Variants in CASK observed in about 807,000 individuals in gnomAD.
CASK encodes peripheral plasma membrane protein CASK.
In CASK, 4 loss-of-function variants were observed where a neutral mutation model predicts 82.9. That is an observed-to-expected ratio of 0.05 (90% CI 0.02 to 0.11). The LOEUF is 0.11. CASK is among the 10% of genes least tolerant of loss of function. CASK has a pLI of 1.00. For missense variants in CASK, 358 were observed against 720.9 expected, an observed-to-expected ratio of 0.50 and a Z score of 5.76; for synonymous variants, 259 against 253.5, an observed-to-expected ratio of 1.02 and a Z score of -0.20.
At chrX:41,716,091 C>T (rs982371048) in intron 5 of CASK, among the ~76,000 whole-genome samples, 3 of 112,288 alleles carry the variant, frequency 2.7e-5, no homozygotes, top group Non-Finnish European at 5.6e-5. Flanking sequence ...AAAGAACACA[C>T]GGTACAGCCC....
chrX:41,598,054 G>A (rs2065844280), intron 12 of CASK, among the ~76,000 whole-genome samples: 1 of 109,436 alleles, frequency 9.1e-6, no homozygotes, highest in African/African-American at 3.3e-5. Flanking sequence ...TGGGAGGATT[G>A]CCTGAGCCTG....
intron 1 of CASK, among the ~76,000 whole-genome samples, chrX:41,904,195 T>C (rs1010377004): frequency 8.9e-6 from 1 of 112,257 alleles, no homozygotes; most frequent in Non-Finnish European, 1.9e-5. Flanking sequence ...TTGAAGTTAA[T>C]GCATGTTGCA....
chrX:41,893,781 G>T (rs1208494465), intron 1 of CASK, among the ~76,000 whole-genome samples: 1 of 112,060 alleles, frequency 8.9e-6, no homozygotes, highest in African/African-American at 3.2e-5. Context: ...ATAAAAACAA[G>T]AATTTAAAAC....
At chrX:41,766,485 A>G (rs2069119049) in intron 3 of CASK, among the ~76,000 whole-genome samples, 1 of 112,453 alleles carries the variant, frequency 8.9e-6, no homozygotes, top group Non-Finnish European at 1.9e-5. Flanking sequence ...ACACTGCTCT[A>G]ACAATTAACA....
intron 3 of CASK, among the ~76,000 whole-genome samples, chrX:41,771,309 C>T (rs1300810799): frequency 1.8e-5 from 2 of 111,503 alleles, no homozygotes; most frequent in Non-Finnish European, 3.8e-5. Context: ...TAAGAAATAA[C>T]TCTGAAACTA....
chrX:41,893,367 G>A (rs1175281397), intron 1 of CASK, among the ~76,000 whole-genome samples: 1 of 112,273 alleles, frequency 8.9e-6, no homozygotes, highest in East Asian at 2.8e-4. Context: ...AATCACAGCT[G>A]CTTAAGTCTG....
chrX:41,581,539 G>T (rs938737552), intron 14 of CASK, among the ~76,000 whole-genome samples: 5 of 110,181 alleles, frequency 4.5e-5, no homozygotes, highest in African/African-American at 1.6e-4. Context: ...AGAAAAATTC[G>T]GATGACTGAG....
At chrX:41,629,705 A>C (rs755426092) in intron 9 of CASK, among the ~76,000 whole-genome samples, 79 of 112,013 alleles carry the variant, frequency 7.1e-4, no homozygotes, top group African/African-American at 2.5e-3. Context: ...ACAATATGCA[A>C]ATTAATGTAC....
At chrX:41,741,626 C>T in intron 4 of CASK, among the ~76,000 whole-genome samples, 1 of 111,962 alleles carries the variant, frequency 8.9e-6, no homozygotes, top group Non-Finnish European at 1.9e-5. Flanking sequence ...TTGACCCAAA[C>T]GTATGTACAC....
intron 2 of CASK, among the ~76,000 whole-genome samples, chrX:41,815,137 C>T (rs1316601382): frequency 3.6e-5 from 4 of 111,578 alleles, no homozygotes; most frequent in Non-Finnish European, 7.5e-5. Context: ...CCCAACAATA[C>T]TTTAATAATA....
At chrX:41,715,889 G>A (rs1234026433) in intron 5 of CASK, among the ~76,000 whole-genome samples, 2 of 112,532 alleles carry the variant, frequency 1.8e-5, no homozygotes, top group African/African-American at 6.5e-5. Context: ...GGAAAGCCCT[G>A]AACAAGCTGG....
rs1602198601 is a variant in CASK at position 41,517,739 on chromosome X, G to C, written c.*2681C>G. The C allele has an allele frequency of 1.5e-6, 1 of 649,408 alleles. No individual in the cohort carries two copies. Among genetic ancestry groups the C allele is most frequent in the East Asian group, 3.6e-5 (1 of 27,779 alleles). 53.5% of individuals were successfully genotyped at this position (649,408 alleles called of 1,213,427 possible). On this transcript the variant is annotated 3_prime_UTR_variant, in exon 27 of 27. Transcript: ENST00000378163. The stretch of plus-strand genomic sequence containing the variant: ...AAAGAAGCTTTTAGCAATTTTCTCT[G>C]ATTGCTTAGTGGACAATTGTAATGT...
intron 1 of CASK, among the ~76,000 whole-genome samples, chrX:41,864,309 AG>A (rs2071547621): frequency 8.9e-6 from 1 of 111,746 alleles, no homozygotes; most frequent in Non-Finnish European, 1.9e-5. Context: ...ACTCTAAGTC[AG>A]GGTTTCCCAA....
At position 41,787,207 on chromosome X, in the gene CASK, T is replaced by C; in HGVS notation, c.249A>G (p.Ser83=). 1 of 1,179,868 alleles carries C rather than the reference T, an allele frequency of 8.5e-7. No homozygotes were observed. The highest frequency in any genetic ancestry group is 1.2e-6 in the Non-Finnish European group (1 of 866,345). The part of the protein sequence containing the change: ...HIVELLETYS[S]DGMLYMVFEF... ...CGAAAACCATGTAAAGCATTCCATC[T>C]GAGCTATATGTCTCCAATAACTCTA... The change falls in exon 3 of 27, where the codon TCA becomes TCG. Residue 83 remains serine (S), a synonymous_variant. Coordinates refer to ENST00000378163, the MANE Select transcript of CASK (RefSeq NM_001367721.1).
chrX:41,780,112 T>C (rs928828424), intron 3 of CASK, among the ~76,000 whole-genome samples: 1 of 111,916 alleles, frequency 8.9e-6, no homozygotes, highest in African/African-American at 3.2e-5. Context: ...TTAAAATTCC[T>C]TGGCCAGCCA....
At chrX:41,554,908 G>A (rs1003309609) in intron 20 of CASK, among the ~76,000 whole-genome samples, 1 of 111,916 alleles carries the variant, frequency 8.9e-6, no homozygotes, top group African/African-American at 3.2e-5. Context: ...GAATATTAAT[G>A]TTTAAGTCAC....
intron 2 of CASK, among the ~76,000 whole-genome samples, chrX:41,815,694 T>G (rs1297668558): frequency 9.0e-6 from 1 of 110,503 alleles, no homozygotes; most frequent in East Asian, 2.8e-4. Context: ...AAGAGACAAA[T>G]GGAGAAGAAA....
intron 11 of CASK, among the ~76,000 whole-genome samples, chrX:41,621,420 G>A (rs1022409539): frequency 5.4e-5 from 6 of 111,910 alleles, no homozygotes; most frequent in Admixed American, 9.5e-5. Flanking sequence ...TTTATCTTTC[G>A]TGCTGGGAAG....
intron 3 of CASK, among the ~76,000 whole-genome samples, chrX:41,777,532 T>C (rs2069389230): frequency 9.1e-6 from 1 of 109,840 alleles, no homozygotes; most frequent in African/African-American, 3.3e-5. Flanking sequence ...GACAGTGAAC[T>C]TTATTATTTG....
Sources: gnomAD v4.1 joint callset for allele counts (sites outside exome capture counted in the v4.1 genomes callset) on GRCh38, gnomAD v4.1.1 for gene constraint, MANE v1.5 for transcripts, NCBI Gene and HGNC (gene_info 2026-07-23, HGNC 2026-07-21) for gene names.